The following MAML2 variants were observed in gnomAD, a reference collection of about 807,000 sequenced individuals.
MAML2 encodes mastermind like transcriptional coactivator 2, also known as mastermind-like protein 2.
In MAML2, 22 loss-of-function variants were observed where a neutral mutation model predicts 96.1. The observed-to-expected ratio is 0.23, with a 90% confidence interval of 0.16 to 0.33. MAML2 has a LOEUF of 0.33. MAML2 is among the 10% of genes least tolerant of loss of function. The pLI is 1.00. For synonymous variants in MAML2, 561 were observed against 521.3 expected (o/e 1.08, Z -1.04); for missense variants, 1,367 against 1,392.4 (o/e 0.98, Z 0.29).
At chr11:96,065,325 G>A (rs1308822363) in intron 2 of MAML2, among the ~76,000 whole-genome samples, 3 of 152,098 alleles carry the variant, frequency 2.0e-5, no homozygotes, top group Non-Finnish European at 4.4e-5. Flanking sequence ...TCAGGGCAAA[G>A]TATGTGATTT....
At chr11:96,293,464 A>T (rs116154860) in intron 1 of MAML2, among the ~76,000 whole-genome samples, 2,569 of 152,304 alleles carry the variant, frequency 0.017, 32 homozygotes, top group Non-Finnish European at 0.02. Context: ...ATTTTTGGTC[A>T]TCTGAAGCAT....
At chr11:96,194,527 T>C (rs1186519531) in intron 1 of MAML2, among the ~76,000 whole-genome samples, 2 of 152,242 alleles carry the variant, frequency 1.3e-5, no homozygotes, top group Admixed American at 1.3e-4. Context: ...AGGGAAAGAA[T>C]AAATTTGTTG....
chr11:96,078,044 A>G (rs1057385508), intron 2 of MAML2, among the ~76,000 whole-genome samples: 1 of 152,012 alleles, frequency 6.6e-6, no homozygotes, highest in Non-Finnish European at 1.5e-5. Flanking sequence ...CTCTTCTATG[A>G]GAGTGCAGCT....
chr11:96,112,179 C>T (rs769627398), intron 1 of MAML2, among the ~76,000 whole-genome samples: 5 of 152,242 alleles, frequency 3.3e-5, no homozygotes, highest in Non-Finnish European at 7.3e-5. Flanking sequence ...GCACTCTATA[C>T]ATAACACAGC....
intron 1 of MAML2, among the ~76,000 whole-genome samples, chr11:96,191,325 G>A (rs1243396766): frequency 6.6e-6 from 1 of 151,928 alleles, no homozygotes; most frequent in Non-Finnish European, 1.5e-5. Context: ...TTAGCTGGGT[G>A]TGGTGGCGCA....
At chr11:96,159,407 C>CTGTTTTTT (rs1861066316) in intron 1 of MAML2, among the ~76,000 whole-genome samples, 1 of 91,122 alleles carries the variant, frequency 1.1e-5, no homozygotes, top group East Asian at 4.4e-4. Context: ...ACCACTGATT[C>CTGTTTTTT]TTTTTTTTTT....
chr11:96,044,005 C>A (rs1858857664), intron 2 of MAML2, among the ~76,000 whole-genome samples: 1 of 152,184 alleles, frequency 6.6e-6, no homozygotes, highest in African/African-American at 2.4e-5. Context: ...GCCTATGGCC[C>A]ATGGAGACAA....
chr11:95,991,715 G>C lies in MAML2; in HGVS notation c.2148C>G (p.His716Gln). The C allele has an allele frequency of 3.1e-6, 5 of 1,613,454 alleles. No individual in the cohort carries two copies. The highest frequency in any genetic ancestry group is 4.2e-6 in the Non-Finnish European group (5 of 1,179,502). The change falls in exon 3 of 5, where the codon CAC (histidine) becomes CAG (glutamine). Residue 716 changes from histidine (H) to glutamine (Q), a missense_variant. Coordinates refer to ENST00000524717, the MANE Select transcript of MAML2 (RefSeq NM_032427.4). The stretch of plus-strand genomic sequence containing the variant: ...GGCCTGTGTTCTGGCCTACCACAGA[G>C]TGTTGATCCTAAAGAAGAGAAAGGG... ...QVSQQQRQDQ[H>Q]SVVGQNTGPS...
intron 1 of MAML2, among the ~76,000 whole-genome samples, chr11:96,245,083 T>C (rs1424956794): frequency 6.6e-6 from 1 of 152,200 alleles, no homozygotes; most frequent in African/African-American, 2.4e-5. Context: ...AGAAATTCAA[T>C]ACTCCTCTGA....
chr11:96,089,738 G>A (rs887433106), intron 2 of MAML2, among the ~76,000 whole-genome samples: 11 of 151,980 alleles, frequency 7.2e-5, no homozygotes, highest in African/African-American at 2.7e-4. Flanking sequence ...ATCTGGAAGG[G>A]ACAATGTGGT....
chr11:96,006,916 C>CAT (rs34563472), intron 2 of MAML2, among the ~76,000 whole-genome samples: 2 of 145,926 alleles, frequency 1.4e-5, no homozygotes, highest in African/African-American at 2.5e-5. Flanking sequence ...CACACACACA[C>CAT]GAGTATTTTA....
intron 1 of MAML2, among the ~76,000 whole-genome samples, chr11:96,339,124 A>G (rs1863956181): frequency 6.6e-6 from 1 of 152,128 alleles, no homozygotes; most frequent in East Asian, 1.9e-4. Context: ...TTACCCTCCT[A>G]ACTTAAACTG....
chr11:96,220,739 G>T (rs1464245487), intron 1 of MAML2, among the ~76,000 whole-genome samples: 1 of 151,764 alleles, frequency 6.6e-6, no homozygotes, highest in East Asian at 1.9e-4. Context: ...TTAACAGTCA[G>T]ACATAGATTT....
At chr11:96,296,471 G>A (rs981968971) in intron 1 of MAML2, among the ~76,000 whole-genome samples, 1 of 152,042 alleles carries the variant, frequency 6.6e-6, no homozygotes, top group Admixed American at 6.6e-5. Flanking sequence ...GTGAAACTCT[G>A]TCTCTATTAA....
chr11:96,245,013 C>A (rs1292599446), intron 1 of MAML2, among the ~76,000 whole-genome samples: 2 of 152,140 alleles, frequency 1.3e-5, no homozygotes, highest in African/African-American at 4.8e-5. Flanking sequence ...CCATACTGAA[C>A]TGTAGAAACA....
intron 1 of MAML2, among the ~76,000 whole-genome samples, chr11:96,154,264 T>TGC (rs1860975807): frequency 6.6e-6 from 1 of 152,152 alleles, no homozygotes; most frequent in Non-Finnish European, 1.5e-5. Flanking sequence ...AGCTCCCAGG[T>TGC]GCGGTAGCTA....
chr11:96,130,124 A>G (rs1316338165), intron 1 of MAML2, among the ~76,000 whole-genome samples: 1 of 152,242 alleles, frequency 6.6e-6, no homozygotes, highest in Non-Finnish European at 1.5e-5. Context: ...TTTCAGCTCT[A>G]TCACCTAATG....
At chr11:96,096,221 C>T (rs1317555569) in intron 1 of MAML2, among the ~76,000 whole-genome samples, 2 of 152,172 alleles carry the variant, frequency 1.3e-5, no homozygotes, top group Non-Finnish European at 2.9e-5. Flanking sequence ...CTGCTCTGGC[C>T]ACTCCCTGGG....
chr11:96,150,271 C>T (rs1460802782), intron 1 of MAML2, among the ~76,000 whole-genome samples: 2 of 152,190 alleles, frequency 1.3e-5, no homozygotes, highest in Non-Finnish European at 2.9e-5. Context: ...CCTGCTCTCA[C>T]GAAGCTCAGC....
Sources: gnomAD v4.1 joint callset for allele counts (sites outside exome capture counted in the v4.1 genomes callset) on GRCh38, gnomAD v4.1.1 for gene constraint, MANE v1.5 for transcripts, NCBI Gene and HGNC (gene_info 2026-07-23, HGNC 2026-07-21) for gene names.